GSK3B: variants seen among roughly 807,000 people sequenced by gnomAD.
The protein encoded by GSK3B is glycogen synthase kinase 3 beta, also known as glycogen synthase kinase-3 beta.
Under a neutral mutation model 56.4 loss-of-function variants are expected in GSK3B, and 15 were observed. The ratio of observed to expected loss-of-function variants is 0.27; its 90% CI spans 0.18 to 0.41. GSK3B has a LOEUF of 0.41. Ranked by LOEUF, GSK3B falls within the 10% of genes least tolerant of loss-of-function variation. GSK3B has a pLI of 1.00. For missense variants in GSK3B, 300 were observed against 513.4 expected (o/e 0.58, Z 4.02); for synonymous variants, 181 against 188.9 (o/e 0.96, Z 0.34).
At chr3:119,947,533 C>G (rs1450816725) in intron 2 of GSK3B, among the ~76,000 whole-genome samples, 182 bp from the exon 3 acceptor site, 1 of 152,124 alleles carries the variant, frequency 6.6e-6, no homozygotes, top group East Asian at 1.9e-4. Context: ...CATGAACTAT[C>G]TGTTACTGCT....
intron 9 of GSK3B, among the ~76,000 whole-genome samples, chr3:119,848,238 T>C (rs1343432174): frequency 6.6e-6 from 1 of 152,214 alleles, no homozygotes; most frequent in Non-Finnish European, 1.5e-5. Context: ...GGGATAACCC[T>C]GGTTTATGCT....
intron 10 of GSK3B, 119 bp from the exon 11 acceptor site, chr3:119,826,974 A>T: frequency 1.5e-6 from 1 of 662,500 alleles, no homozygotes; most frequent in Non-Finnish European, 2.7e-6. Flanking sequence ...GTTATTTGGA[A>T]CGTTGTTTTA....
At chr3:120,069,460 G>A (rs187344772) in intron 1 of GSK3B, among the ~76,000 whole-genome samples, 1 of 152,278 alleles carries the variant, frequency 6.6e-6, no homozygotes, top group African/African-American at 2.4e-5. Flanking sequence ...TCAAATTTTT[G>A]AAGAGTATCT....
At chr3:120,029,961 G>C (rs1469567084) in intron 1 of GSK3B, 1 of 498,062 alleles carries the variant, frequency 2.0e-6, no homozygotes. Context: ...CTATGCTCTG[G>C]CTTGAAAGAC....
intron 1 of GSK3B, among the ~76,000 whole-genome samples, chr3:120,031,954 C>T (rs2057979738): frequency 6.6e-6 from 1 of 152,150 alleles, no homozygotes; most frequent in African/African-American, 2.4e-5. Flanking sequence ...ATTACTCCTC[C>T]CTCTGGATTA....
intron 4 of GSK3B, among the ~76,000 whole-genome samples, chr3:119,918,904 A>G (rs777160248): frequency 6.6e-6 from 1 of 152,226 alleles, no homozygotes; most frequent in Non-Finnish European, 1.5e-5. Context: ...TCTCTGTGCC[A>G]TAATATCTGA....
At chr3:119,891,447 C>A (rs1428950281) in intron 7 of GSK3B, among the ~76,000 whole-genome samples, 2 of 152,028 alleles carry the variant, frequency 1.3e-5, no homozygotes, top group Non-Finnish European at 2.9e-5. Flanking sequence ...TTATTAGGTT[C>A]AGAGTATATT....
Position 120,004,200 on chromosome 3 carries a change from G to A in GSK3B, c.89-1961C>T, listed in dbSNP as rs370214386. ...GTGGGAGCTTGGTGGGGGGAGGGGC[G>A]TTTGCCATTGCTGAGGCTTGAGTAG... is the stretch of plus-strand genomic sequence containing the variant. On this transcript the variant is annotated intron_variant, in intron 1 of 10. Transcript: ENST00000264235. Among the ~76,000 whole-genome samples the A allele has an allele frequency of 1.2e-4, 19 of 152,168 alleles. No individual in the cohort carries two copies. The East Asian group carries it at 1.7e-3, about 14-fold the overall frequency.
chr3:119,942,140 A>G (rs1307221156), intron 3 of GSK3B, among the ~76,000 whole-genome samples: 1 of 152,234 alleles, frequency 6.6e-6, no homozygotes, highest in Non-Finnish European at 1.5e-5. Flanking sequence ...ACAAAGTAGA[A>G]GGCAGAGGTT....
At chr3:119,993,477 CT>C (rs1185897901) in intron 2 of GSK3B, among the ~76,000 whole-genome samples, 1 of 151,914 alleles carries the variant, frequency 6.6e-6, no homozygotes, top group Non-Finnish European at 1.5e-5. Flanking sequence ...AACCCAAATA[CT>C]TTTTGAATAT....
chr3:119,854,739 T>C (rs761988695), intron 9 of GSK3B, among the ~76,000 whole-genome samples: 6 of 152,248 alleles, frequency 3.9e-5, no homozygotes, highest in Admixed American at 6.5e-5. Context: ...GATGGCAGTT[T>C]GTATTTCTGT....
chr3:120,080,657 C>T (rs560672803), intron 1 of GSK3B, among the ~76,000 whole-genome samples: 1 of 152,016 alleles, frequency 6.6e-6, no homozygotes, highest in East Asian at 1.9e-4. Flanking sequence ...ATTATGAAAC[C>T]CTGCTTCTAC....
intron 2 of GSK3B, among the ~76,000 whole-genome samples, chr3:119,997,161 T>C (rs2057627222): frequency 6.6e-6 from 1 of 152,142 alleles, no homozygotes; most frequent in African/African-American, 2.4e-5. Flanking sequence ...GAACATGTAA[T>C]AATATTTAGA....
At chr3:120,092,370 C>T (rs2058519831) in intron 1 of GSK3B, among the ~76,000 whole-genome samples, 1 of 152,174 alleles carries the variant, frequency 6.6e-6, no homozygotes, top group Non-Finnish European at 1.5e-5. Context: ...CCACATTCTT[C>T]TAACTAAATC....
In GSK3B at chr3:120,060,243, T is replaced by A. The variant is rs150626992; in HGVS notation, c.88+33104A>T. 1.1e-3 allele frequency among the ~76,000 whole-genome samples: 170 copies of A among 152,204 alleles called. 1 individual carries two copies. The East Asian group carries it at 0.026, about 23-fold the overall frequency. On this transcript the variant is annotated intron_variant, in intron 1 of 10. Transcript: ENST00000264235. Reference sequence around the variant, plus strand: ...TATAGCACAGAAGGGAAATGGAAAGTGCAGGGTCAAGGACAACAGCTGCCG... The same window carrying A: ...TATAGCACAGAAGGGAAATGGAAAGAGCAGGGTCAAGGACAACAGCTGCCG...
chr3:119,992,362 GAAC>G lies in GSK3B; in HGVS notation c.282+9681_282+9683del, dbSNP rs1222437608. Among the ~76,000 whole-genome samples the G allele has an allele frequency of 2.6e-5, 4 of 152,062 alleles. No homozygotes were observed. The East Asian group carries it at 7.7e-4, about 29-fold the overall frequency. ...ATAACAGTAACATCTCAAATAACTGGAACAAAGATAGTCTTCTACTAAATTGTA... is the reference window on the plus strand; with the variant it reads ...ATAACAGTAACATCTCAAATAACTGGAAAGATAGTCTTCTACTAAATTGTA... On this transcript the variant is annotated intron_variant, in intron 2 of 10. Coordinates refer to ENST00000264235, the MANE Select transcript of GSK3B (RefSeq NM_001146156.2).
chr3:120,064,353 A>G (rs1456966806), intron 1 of GSK3B, among the ~76,000 whole-genome samples: 1 of 152,000 alleles, frequency 6.6e-6, no homozygotes, highest in Non-Finnish European at 1.5e-5. Context: ...CAAAAATCAG[A>G]ATTTTTATAC....
In GSK3B at chr3:119,923,443, G is replaced by A. The variant is rs1345405296; in HGVS notation, c.407C>T (p.Pro136Leu). The change falls in exon 4 of 11, where the codon CCG becomes CTG. Residue 136 changes from proline (P) to leucine (L), a missense_variant. Pro to Leu is a moderately conservative substitution (Grantham distance 98). Coordinates refer to ENST00000264235, the MANE Select transcript of GSK3B (RefSeq NM_001146156.2). Reference protein sequence around the residue: ...VYLNLVLDYVPETVYRVARHY... With the variant: ...VYLNLVLDYVLETVYRVARHY... The stretch of plus-strand genomic sequence containing the variant: ...TCTGGCAACTCTGTATACTGTTTCC[G>A]GAACATAGTCCAGCACCAGATTAAG... 3 of 1,603,294 alleles carry A rather than the reference G, an allele frequency of 1.9e-6. No homozygotes were observed. The highest frequency in any genetic ancestry group is 1.7e-6 in the Non-Finnish European group (2 of 1,171,954).
intron 10 of GSK3B, among the ~76,000 whole-genome samples, chr3:119,838,728 T>C (rs1451276870): frequency 1.3e-5 from 2 of 152,224 alleles, no homozygotes; most frequent in African/African-American, 4.8e-5. Flanking sequence ...TTGTTATATA[T>C]TAATACATAC....
Sources: gnomAD v4.1 joint callset for allele counts (sites outside exome capture counted in the v4.1 genomes callset) on GRCh38, gnomAD v4.1.1 for gene constraint, MANE v1.5 for transcripts, NCBI Gene and HGNC (gene_info 2026-07-23, HGNC 2026-07-21) for gene names.